Variants in TEAD4 observed in about 807,000 individuals in gnomAD.
TEAD4 encodes the protein transcriptional enhancer factor TEF-3.
In TEAD4, 36 loss-of-function variants were observed where a neutral mutation model predicts 52.4. The observed-to-expected ratio is 0.69, with a 90% confidence interval of 0.53 to 0.91. The LOEUF (loss-of-function observed/expected upper bound fraction) is 0.91. TEAD4 is among the 40% of genes least tolerant of loss of function. The pLI is 0.00. For synonymous variants in TEAD4, 220 were observed against 231.0 expected, an observed-to-expected ratio of 0.95 and a Z score of 0.43; for missense variants, 508 against 583.9, an observed-to-expected ratio of 0.87 and a Z score of 1.34.
intron 3 of TEAD4, among the ~76,000 whole-genome samples, chr12:3,003,617 T>C (rs1565538304): frequency 6.6e-6 from 1 of 152,126 alleles, no homozygotes; most frequent in Non-Finnish European, 1.5e-5. Flanking sequence ...AGGCTCCTGT[T>C]TCTCCACGGG....
At chr12:3,021,628 G>A (rs963810047) in intron 9 of TEAD4, among the ~76,000 whole-genome samples, 2 of 152,280 alleles carry the variant, frequency 1.3e-5, no homozygotes, top group African/African-American at 2.4e-5. Flanking sequence ...CTTTTTAGCT[G>A]AGGAACCCAT....
chr12:2,980,475 G>A (rs2098233229), intron 2 of TEAD4, among the ~76,000 whole-genome samples: 1 of 152,172 alleles, frequency 6.6e-6, no homozygotes, highest in South Asian at 2.1e-4. Context: ...GCTTACGCCT[G>A]TAATCCCAGC....
At chr12:2,970,109 T>C (rs2098223893) in intron 2 of TEAD4, among the ~76,000 whole-genome samples, 1 of 152,176 alleles carries the variant, frequency 6.6e-6, no homozygotes, top group African/African-American at 2.4e-5. Context: ...TGTAATAATA[T>C]ATTCTTTAAC....
chr12:2,993,569 C>G (rs1231968513), intron 2 of TEAD4, among the ~76,000 whole-genome samples: 4 of 152,128 alleles, frequency 2.6e-5, no homozygotes, highest in African/African-American at 9.7e-5. Context: ...TTCCCAGGCT[C>G]AAGTGATTCT....
intron 2 of TEAD4, among the ~76,000 whole-genome samples, chr12:2,984,481 A>T (rs1443257344): frequency 6.6e-6 from 1 of 152,052 alleles, no homozygotes; most frequent in African/African-American, 2.4e-5. Flanking sequence ...CATTAGTTAG[A>T]TGTGGGAGAT....
At chr12:2,971,188 C>A (rs187011807) in intron 2 of TEAD4, among the ~76,000 whole-genome samples, 1 of 152,122 alleles carries the variant, frequency 6.6e-6, no homozygotes, top group Non-Finnish European at 1.5e-5. Context: ...TACTGCAAGA[C>A]GAAAGAACGT....
chr12:3,039,441 C>G (rs1014585004), intron 11 of TEAD4, among the ~76,000 whole-genome samples: 1 of 152,114 alleles, frequency 6.6e-6, no homozygotes, highest in South Asian at 2.1e-4. Flanking sequence ...CAGATTTCAC[C>G]AGTTTTATCG....
intron 10 of TEAD4, among the ~76,000 whole-genome samples, chr12:3,033,565 C>A (rs1195213979): frequency 1.3e-5 from 2 of 152,204 alleles, no homozygotes; most frequent in Non-Finnish European, 2.9e-5. Flanking sequence ...CCTGCTCTTC[C>A]CTTTCAGTCC....
chr12:2,989,867 A>G (rs2098241663), intron 2 of TEAD4, among the ~76,000 whole-genome samples: 1 of 152,124 alleles, frequency 6.6e-6, no homozygotes, highest in Non-Finnish European at 1.5e-5. Flanking sequence ...TTTTATTTGA[A>G]TTTATCCTGG....
chr12:2,971,032 C>T (rs2098224541), intron 2 of TEAD4, among the ~76,000 whole-genome samples: 2 of 152,250 alleles, frequency 1.3e-5, no homozygotes, highest in African/African-American at 4.8e-5. Flanking sequence ...CCTCCGACTG[C>T]ACCTGCCCTC....
intron 2 of TEAD4, among the ~76,000 whole-genome samples, chr12:2,967,605 C>T (rs530494085): frequency 2.0e-4 from 31 of 152,272 alleles, no homozygotes; most frequent in African/African-American, 6.7e-4. Context: ...GGGACTTACT[C>T]TTCATTCATG....
Position 3,012,222 on chromosome 12 carries a change from C to T in TEAD4, c.344C>T (p.Ala115Val), listed in dbSNP as rs941912696. The T allele has an allele frequency of 6.2e-7, 1 of 1,614,044 alleles. No homozygotes were observed. Among genetic ancestry groups the T allele is most frequent in the Non-Finnish European group, 8.5e-7 (1 of 1,179,952 alleles). ...CGTCGCAAAGCTCGCGAGATCCAGG[C>T]CAAGCTAAAGGTAAGGAAACTGCAG... Residue 115 changes from alanine (A) to valine (V), a missense_variant, in exon 5 of 13, where the codon GCC becomes GTC. Ala to Val is a moderately conservative substitution (Grantham distance 64). Coordinates refer to ENST00000359864, the MANE Select transcript of TEAD4 (RefSeq NM_003213.4).
At chr12:2,998,535 G>A (rs1442899871) in intron 3 of TEAD4, among the ~76,000 whole-genome samples, 2 of 151,516 alleles carry the variant, frequency 1.3e-5, no homozygotes. Flanking sequence ...GGATGGGGAC[G>A]CTCGGGAGGG....
At position 3,012,175 on chromosome 12, in the gene TEAD4, C is replaced by T. The variant is rs765808868; in HGVS notation, c.297C>T (p.Ser99=). 22 of 1,614,056 alleles carry T rather than the reference C, an allele frequency of 1.4e-5. No homozygotes were observed. Among genetic ancestry groups the T allele is most frequent in the Non-Finnish European group, 1.9e-5 (22 of 1,179,964 alleles). ...GTCCTCTCTCCCTGCCACAGGTCTC[C>T]AGCCACATCCAGGTGCTGGCTCGTC... The change falls in exon 5 of 13, where the codon TCC becomes TCT. Residue 99 remains serine (S), a synonymous_variant. Coordinates refer to ENST00000359864, the MANE Select transcript of TEAD4 (RefSeq NM_003213.4).
At chr12:2,989,817 T>C (rs548265613) in intron 2 of TEAD4, among the ~76,000 whole-genome samples, 1 of 152,366 alleles carries the variant, frequency 6.6e-6, no homozygotes, top group African/African-American at 2.4e-5. Flanking sequence ...TTAAGATCTC[T>C]GTTTTGGGTA....
chr12:3,040,599 C>G lies in TEAD4; in HGVS notation c.*121C>G. ...AGAGCTGAGAGGAGCAGTTGTGACTCTACCCAGGAACAAACTGTGCCTGAA... is the reference window on the plus strand; with the variant it reads ...AGAGCTGAGAGGAGCAGTTGTGACTGTACCCAGGAACAAACTGTGCCTGAA... On this transcript the variant is annotated 3_prime_UTR_variant, in exon 13 of 13. Coordinates refer to ENST00000359864, the MANE Select transcript of TEAD4 (RefSeq NM_003213.4). The G allele has an allele frequency of 5.8e-6, 5 of 857,350 alleles. No individual in the cohort carries two copies. The highest frequency in any genetic ancestry group is 9.3e-6 in the Non-Finnish European group (5 of 535,856). The allele number at this position is 857,350 out of a possible 1,614,324, so 53.1% of individuals were successfully genotyped here. A position where few individuals can be genotyped will look rare whatever the true frequency, so the allele number is the denominator to read the frequency against.
chr12:3,014,801 C>A (rs4759433), intron 5 of TEAD4, among the ~76,000 whole-genome samples: 2 of 151,848 alleles, frequency 1.3e-5, no homozygotes, highest in Admixed American at 6.6e-5. Context: ...CTGCCCAGGC[C>A]GCGGTTTCCT....
At chr12:3,019,503 C>T (rs930553156) in intron 8 of TEAD4, among the ~76,000 whole-genome samples, 2 of 152,348 alleles carry the variant, frequency 1.3e-5, no homozygotes, top group South Asian at 2.1e-4. Context: ...TGCAGTGTGC[C>T]TCACACACCT....
At chr12:2,967,129 C>T (rs758483998) in intron 2 of TEAD4, among the ~76,000 whole-genome samples, 1 of 152,078 alleles carries the variant, frequency 6.6e-6, no homozygotes, top group Non-Finnish European at 1.5e-5. Context: ...AAAAATATTT[C>T]TCTCTTAAAA....
Sources: gnomAD v4.1 joint callset for allele counts (sites outside exome capture counted in the v4.1 genomes callset) on GRCh38, gnomAD v4.1.1 for gene constraint, MANE v1.5 for transcripts, NCBI Gene and HGNC (gene_info 2026-07-23, HGNC 2026-07-21) for gene names.